The following PLA2G4E variants were observed in gnomAD, a reference collection of about 807,000 sequenced individuals.
PLA2G4E encodes cytosolic phospholipase A2 epsilon.
In PLA2G4E, 84 loss-of-function variants were observed where a neutral mutation model predicts 109.1. The ratio of observed to expected loss-of-function variants is 0.77; its 90% CI spans 0.65 to 0.92. The LOEUF (loss-of-function observed/expected upper bound fraction) is 0.92. PLA2G4E is among the 40% of genes least tolerant of loss of function. The pLI, the probability that PLA2G4E is intolerant of heterozygous loss-of-function variation, is 0.00. For missense variants in PLA2G4E, 1,057 were observed against 1,076.6 expected, an observed-to-expected ratio of 0.98 and a Z score of 0.25; for synonymous variants, 469 against 436.1, an observed-to-expected ratio of 1.08 and a Z score of -0.94.
At chr15:42,049,266 G>C (rs950103836) in intron 1 of PLA2G4E, among the ~76,000 whole-genome samples, 12 of 152,194 alleles carry the variant, frequency 7.9e-5, no homozygotes, top group African/African-American at 2.9e-4. Flanking sequence ...AGAGGCCCGA[G>C]CCTCCAGTCC....
chr15:42,041,063 G>A lies in PLA2G4E; in HGVS notation c.183+9458C>T, dbSNP rs114799466. Among the ~76,000 whole-genome samples the A allele has an allele frequency of 9.1e-3, 1,380 of 152,274 alleles. 19 individuals are homozygous for A. Among genetic ancestry groups the A allele is most frequent in the African/African-American group, 0.031 (1,283 of 41,542 alleles). ...TTGGTGAGGGTGTGAGGAAGAGTCA[G>A]TAAAATGTTGGTGATAGGATGTAGA... On this transcript the variant is annotated intron_variant, in intron 1 of 19. Coordinates refer to ENST00000399518, the Ensembl canonical transcript of PLA2G4E.
intron 9 of PLA2G4E, 112 bp from the exon 10 acceptor site, chr15:41,999,673 G>A (rs2068392934): frequency 9.0e-6 from 12 of 1,328,162 alleles, no homozygotes; most frequent in East Asian, 2.5e-5. Flanking sequence ...ACACACAGGC[G>A]CTCCATCCCT....
At chr15:41,994,732 A>G (rs1447290477) in intron 12 of PLA2G4E, among the ~76,000 whole-genome samples, 1 of 152,206 alleles carries the variant, frequency 6.6e-6, no homozygotes, top group African/African-American at 2.4e-5. Context: ...ATATTTCATG[A>G]CTGTTGTATA....
At chr15:41,985,879 A>G in exon 18 of PLA2G4E, 1 of 1,611,100 alleles carries the variant, frequency 6.2e-7, no homozygotes, top group Non-Finnish European at 8.5e-7. Flanking sequence ...GTGGATGATG[A>G]GGTCGGCTTT....
At chr15:41,991,791 G>A (rs560647685) in intron 13 of PLA2G4E, among the ~76,000 whole-genome samples, 68 of 152,252 alleles carry the variant, frequency 4.5e-4, no homozygotes, top group Non-Finnish European at 7.5e-4. Flanking sequence ...AGAACTCCCC[G>A]GACACCTTTG....
intron 1 of PLA2G4E, among the ~76,000 whole-genome samples, chr15:42,043,855 T>C (rs896315344): frequency 6.6e-6 from 1 of 152,176 alleles, no homozygotes; most frequent in Admixed American, 6.5e-5. Flanking sequence ...TATATATACA[T>C]AAACACCGTA....
Position 41,984,422 on chromosome 15 carries a change from C to G in PLA2G4E, c.2386+14G>C, listed in dbSNP as rs1349718428. On this transcript the variant is annotated intron_variant, in intron 19 of 19. Transcript: ENST00000399518. ...GGCAGCAGGTGCTGGGAACTGAGCA[C>G]AGAGGCAGCTCACCTGGTGCCTTGT... 1 of 1,604,886 alleles carries G rather than the reference C, an allele frequency of 6.2e-7. No individual in the cohort carries two copies. The highest frequency in any genetic ancestry group is 8.5e-7 in the Non-Finnish European group (1 of 1,174,268).
At chr15:42,049,562 G>A (rs1889472950) in intron 1 of PLA2G4E, among the ~76,000 whole-genome samples, 1 of 152,192 alleles carries the variant, frequency 6.6e-6, no homozygotes, top group Non-Finnish European at 1.5e-5. Context: ...TGCTGTGGTA[G>A]GTATGAAGTG....
chr15:42,038,591 C>T (rs775011579), intron 1 of PLA2G4E, among the ~76,000 whole-genome samples: 6 of 152,188 alleles, frequency 3.9e-5, no homozygotes, highest in Non-Finnish European at 4.4e-5. Context: ...AGAGCTCAGG[C>T]GCTAATGTTC....
intron 1 of PLA2G4E, among the ~76,000 whole-genome samples, chr15:42,014,912 G>C (rs1199364596): frequency 6.6e-6 from 1 of 152,160 alleles, no homozygotes; most frequent in East Asian, 1.9e-4. Flanking sequence ...GGGGACCAGA[G>C]CCCTGAGGTG....
In PLA2G4E at chr15:42,013,830, C is replaced by T. The variant is rs1216756289; in HGVS notation, c.184-73G>A. On this transcript the variant is annotated intron_variant, in intron 1 of 19. Transcript: ENST00000399518. ...GGCCATTGCCCCGGGGGAGACTTTC[C>T]CGCTATGCCTCCTCAGGCCGGCCCA... 4.8e-6 allele frequency: 6 copies of T among 1,262,356 alleles called. No individual in the cohort carries two copies. In the Admixed American group the frequency reaches 1.2e-4, roughly 26 times the overall value. 78.2% of individuals were successfully genotyped at this position (1,262,356 alleles called of 1,614,324 possible).
intron 1 of PLA2G4E, among the ~76,000 whole-genome samples, chr15:42,022,131 T>C (rs752483830): frequency 2.6e-5 from 4 of 152,194 alleles, no homozygotes; most frequent in Non-Finnish European, 4.4e-5. Context: ...TACATCCTAC[T>C]GAGAGAGGAA....
intron 13 of PLA2G4E, among the ~76,000 whole-genome samples, chr15:41,990,999 G>A (rs974070494): frequency 1.3e-5 from 2 of 152,018 alleles, no homozygotes; most frequent in African/African-American, 2.4e-5. Context: ...GAACCTGTGT[G>A]GAATGGCAAA....
At chr15:42,040,108 G>A (rs929322723) in intron 1 of PLA2G4E, among the ~76,000 whole-genome samples, 1 of 152,086 alleles carries the variant, frequency 6.6e-6, no homozygotes, top group African/African-American at 2.4e-5. Context: ...AGGCCGAGGT[G>A]GAGGATTGCT....
intron 1 of PLA2G4E, among the ~76,000 whole-genome samples, chr15:42,018,908 CA>C (rs1221596272): frequency 6.6e-6 from 1 of 152,084 alleles, no homozygotes; most frequent in Non-Finnish European, 1.5e-5. Context: ...TGACTTTTGG[CA>C]GGGGTGAGGG....
At chr15:42,004,018 A>T (rs2068447891) in intron 5 of PLA2G4E, among the ~76,000 whole-genome samples, 1 of 152,150 alleles carries the variant, frequency 6.6e-6, no homozygotes, top group Non-Finnish European at 1.5e-5. Flanking sequence ...TTCCTAATTG[A>T]AAATGATTTG....
At chr15:42,000,350 A>G in intron 7 of PLA2G4E, 68 bp from the exon 8 acceptor site, 1 of 1,430,142 alleles carries the variant, frequency 7.0e-7, no homozygotes, top group Non-Finnish European at 9.4e-7. Context: ...TTGGTCCAGC[A>G]AAAAACCTAT....
Position 41,995,548 on chromosome 15 carries a change from G to A in PLA2G4E, c.1111-52C>T, listed in dbSNP as rs567669460. The A allele has an allele frequency of 1.1e-5, 18 of 1,600,898 alleles. No homozygotes were observed. The South Asian group carries it at 2.0e-4, about 18-fold the overall frequency. Reference sequence around the variant, plus strand: ...GGGGAAGGCTCCAGAAGCAAAGCTTGGGAGAAGACTTAGAATGACGGCAAC... The same window carrying A: ...GGGGAAGGCTCCAGAAGCAAAGCTTAGGAGAAGACTTAGAATGACGGCAAC... On this transcript the variant is annotated intron_variant, in intron 11 of 19. Transcript: ENST00000399518.
Position 42,007,867 on chromosome 15 carries a change from T to A in PLA2G4E, c.257-2A>T, listed in dbSNP as rs1242167426. The A allele has an allele frequency of 9.4e-6, 15 of 1,599,406 alleles. No individual in the cohort carries two copies. The highest frequency in any genetic ancestry group is 1.3e-5 in the Non-Finnish European group (15 of 1,172,134). The stretch of plus-strand genomic sequence containing the variant: ...TCACAAAACAGTCTGTCTGGCTCAC[T>A]GTCCAAGAAAGATAAGTGGAACCAA... On this transcript the variant is annotated splice_acceptor_variant, in intron 2 of 19. Transcript: ENST00000399518. LOFTEE classifies it high-confidence loss of function.
Sources: allele counts gnomAD v4.1 joint callset (sites outside exome capture counted in the v4.1 genomes callset), GRCh38; gene constraint gnomAD v4.1.1; transcripts MANE v1.5; gene names NCBI Gene and HGNC (gene_info 2026-07-23, HGNC 2026-07-21).